OBI1: variants seen among roughly 807,000 people sequenced by gnomAD.
OBI1 encodes ring finger protein 219.
Under a neutral mutation model 62.4 loss-of-function variants are expected in OBI1, and 59 were observed. The observed-to-expected ratio is 0.95, with a 90% confidence interval of 0.77 to 1.17. OBI1 has a LOEUF of 1.17. Among genes scored for constraint, OBI1 ranks in the 50% most tolerant of loss-of-function variants. The probability of loss-of-function intolerance (pLI) is 0.00; values close to 1 mark genes in which losing one functional copy is unlikely to be tolerated. For synonymous variants in OBI1, 302 were observed against 292.8 expected, an observed-to-expected ratio of 1.03 and a Z score of -0.32; for missense variants, 875 against 830.9, an observed-to-expected ratio of 1.05 and a Z score of -0.65.
rs1293080499 is a variant in OBI1 at position 78,617,084 on chromosome 13, A to G, written c.677T>C (p.Val226Ala). 1 of 1,583,168 alleles carries G rather than the reference A, an allele frequency of 6.3e-7. No homozygotes were observed. Among genetic ancestry groups the G allele is most frequent in the South Asian group, 1.2e-5 (1 of 85,702 alleles). The change falls in exon 6 of 6, where the codon GTA (valine) becomes GCA (alanine). Residue 226 changes from valine (V) to alanine (A), a missense_variant. Transcript: ENST00000282003. Reference protein sequence around the residue: ...RFAVAALQSKVEQYERETNRL... With the variant: ...RFAVAALQSKAEQYERETNRL... ...ATTGGTTTCACGCTCATACTGTTCTACTTTGGACTGAAGAGCAGCAACTGC... is the reference window on the plus strand; with the variant it reads ...ATTGGTTTCACGCTCATACTGTTCTGCTTTGGACTGAAGAGCAGCAACTGC...
chr13:78,629,403 T>C (rs535414048), intron 5 of OBI1, among the ~76,000 whole-genome samples: 1 of 152,060 alleles, frequency 6.6e-6, no homozygotes. Flanking sequence ...AGTTAGTAGC[T>C]GAGGACAAAA....
chr13:78,648,528 T>TAA (rs111498986), intron 1 of OBI1, among the ~76,000 whole-genome samples: 2 of 149,824 alleles, frequency 1.3e-5, no homozygotes, highest in African/African-American at 4.9e-5. Flanking sequence ...AATCTTTCCA[T>TAA]AAAAAAAAAC....
intron 5 of OBI1, among the ~76,000 whole-genome samples, chr13:78,626,867 C>A (rs998800966): frequency 6.6e-6 from 1 of 152,162 alleles, no homozygotes; most frequent in Non-Finnish European, 1.5e-5. Flanking sequence ...GAGATCGAGA[C>A]CATCCTGGCT....
intron 5 of OBI1, among the ~76,000 whole-genome samples, chr13:78,633,144 T>C (rs995063475): frequency 1.4e-4 from 22 of 152,156 alleles, no homozygotes; most frequent in Admixed American, 4.6e-4. Context: ...TGGACAAGCA[T>C]TACTGTGACT....
chr13:78,651,897 CTGAGA>C (rs1201569048), intron 1 of OBI1, among the ~76,000 whole-genome samples: 2 of 152,126 alleles, frequency 1.3e-5, no homozygotes, highest in African/African-American at 4.8e-5. Flanking sequence ...TAATGAAAGG[CTGAGA>C]TAACAATCCT....
intron 5 of OBI1, among the ~76,000 whole-genome samples, chr13:78,633,789 C>T (rs1049247623): frequency 2.6e-5 from 4 of 152,202 alleles, no homozygotes; most frequent in East Asian, 3.9e-4. Flanking sequence ...ACTCCATGGC[C>T]GGGCGTGGTG....
intron 5 of OBI1, chr13:78,620,821 G>GAA: frequency 2.9e-6 from 1 of 345,582 alleles, no homozygotes; most frequent in South Asian, 2.3e-5. Flanking sequence ...GGACGTGTTT[G>GAA]AAGAAAACAA....
intron 1 of OBI1, among the ~76,000 whole-genome samples, chr13:78,654,343 A>T (rs1876634844): frequency 1.3e-5 from 2 of 152,250 alleles, no homozygotes; most frequent in Admixed American, 1.3e-4. Flanking sequence ...TGGAAAAAAG[A>T]GAAAAATGTA....
At chr13:78,618,705 AAC>A (rs1384085957) in intron 5 of OBI1, among the ~76,000 whole-genome samples, 1 of 152,202 alleles carries the variant, frequency 6.6e-6, no homozygotes, top group African/African-American at 2.4e-5. Context: ...CTTCTAAAAA[AAC>A]ACAGCAAAAA....
intron 2 of OBI1, 110 bp downstream of exon 2, chr13:78,644,752 T>C (rs962301836): frequency 1.7e-6 from 2 of 1,206,044 alleles, no homozygotes; most frequent in Admixed American, 3.5e-5. Flanking sequence ...CAGTATTATG[T>C]TGGCCAAATA....
chr13:78,656,729 TG>T (rs397851744), intron 1 of OBI1, among the ~76,000 whole-genome samples: 1,593 of 20,536 alleles, frequency 0.078, 157 homozygotes, highest in Middle Eastern at 0.62. Context: ...CCATGGTACC[TG>T]GGGGGGGGGG....
chr13:78,616,890 A>G lies in OBI1; in HGVS notation c.871T>C (p.Ser291Pro), dbSNP rs763882233. ...CTGGCACTATCGCCTTGATTCTTTGACACCACATCCTCCTCACTGCCTTTG... is the reference window on the plus strand; with the variant it reads ...CTGGCACTATCGCCTTGATTCTTTGGCACCACATCCTCCTCACTGCCTTTG... ...GSKGSEEDVV[S>P]KNQGDSARKQ... The change falls in exon 6 of 6, where the codon TCA becomes CCA. Residue 291 changes from serine to proline, a missense_variant. Coordinates refer to ENST00000282003, the MANE Select transcript of OBI1 (RefSeq NM_024546.4). The G allele has an allele frequency of 6.2e-7, 1 of 1,614,162 alleles. No homozygotes were observed. The highest frequency in any genetic ancestry group is 8.5e-7 in the Non-Finnish European group (1 of 1,180,032).
intron 4 of OBI1, among the ~76,000 whole-genome samples, chr13:78,637,035 TAC>T: frequency 6.6e-6 from 1 of 152,244 alleles, no homozygotes; most frequent in Non-Finnish European, 1.5e-5. Context: ...GAGTTCTGCC[TAC>T]CTTTTGCACC....
intron 1 of OBI1, among the ~76,000 whole-genome samples, chr13:78,658,816 G>A (rs1034128119): frequency 6.6e-6 from 1 of 152,170 alleles, no homozygotes; most frequent in Non-Finnish European, 1.5e-5. Context: ...CGCCCTCCCG[G>A]CAGACCACGG....
intron 5 of OBI1, among the ~76,000 whole-genome samples, chr13:78,625,242 ATAACCT>A (rs1386116886): frequency 6.6e-6 from 1 of 152,208 alleles, no homozygotes; most frequent in Non-Finnish European, 1.5e-5. Context: ...CCAAAATAAA[ATAACCT>A]TAACAACAAA....
rs770127353 is a variant in OBI1, at chr13:78,616,605, G to C, written c.1156C>G (p.Leu386Val). 1 of 1,614,048 alleles carries C rather than the reference G, an allele frequency of 6.2e-7. No individual in the cohort carries two copies. Among genetic ancestry groups the C allele is most frequent in the East Asian group, 2.2e-5 (1 of 44,894 alleles). ...VPYKDEELYD[L>V]PAPCTPLSLS... is the part of the protein sequence containing the mutation. ...GACAAAGGAGTACAAGGAGCTGGAAGATCATAAAGTTCTTCATCTTTGTAG... is the reference window on the plus strand; with the variant it reads ...GACAAAGGAGTACAAGGAGCTGGAACATCATAAAGTTCTTCATCTTTGTAG... Residue 386 changes from leucine (L) to valine (V), a missense_variant, in exon 6 of 6, where the codon CTT becomes GTT. Leu to Val is a conservative substitution (Grantham distance 32, BLOSUM62 1). Transcript: ENST00000282003.
intron 2 of OBI1, among the ~76,000 whole-genome samples, chr13:78,644,215 C>T (rs973182878): frequency 2.0e-5 from 3 of 152,226 alleles, no homozygotes; most frequent in Non-Finnish European, 4.4e-5. Context: ...TTGTAAAGCA[C>T]ATTTTGGATC....
At chr13:78,648,417 T>C (rs1403175854) in intron 1 of OBI1, among the ~76,000 whole-genome samples, 1 of 149,610 alleles carries the variant, frequency 6.7e-6, no homozygotes, top group Non-Finnish European at 1.5e-5. Context: ...TTATAGTAAG[T>C]TATTTTTTAT....
chr13:78,616,639 G>A lies in OBI1; in HGVS notation c.1122C>T (p.Asp374=), dbSNP rs767288027. Residue 374 remains aspartate, a synonymous_variant, in exon 6 of 6, where the codon GAC becomes GAT. Transcript: ENST00000282003. ...GTTCTTCATCTTTGTAGGGTACACA[G>A]TCACTTGGTTTATTCCCCCATTCTC... ...LEREWGNKPS[D]CVPYKDEELY... The A allele has an allele frequency of 6.2e-7, 1 of 1,614,130 alleles. No individual in the cohort carries two copies. Among genetic ancestry groups the A allele is most frequent in the Non-Finnish European group, 8.5e-7 (1 of 1,179,996 alleles).
Sources: allele counts gnomAD v4.1 joint callset (sites outside exome capture counted in the v4.1 genomes callset), GRCh38; gene constraint gnomAD v4.1.1; transcripts MANE v1.5; gene names NCBI Gene and HGNC (gene_info 2026-07-23, HGNC 2026-07-21).